Variants in ADGRL3 observed in about 807,000 individuals in gnomAD.
ADGRL3 encodes the protein adhesion G protein-coupled receptor L3.
In ADGRL3, 62 loss-of-function variants were observed where a neutral mutation model predicts 153.5. The observed-to-expected ratio is 0.40, with a 90% CI of 0.33 to 0.50. ADGRL3 has a LOEUF of 0.50. ADGRL3 is among the 20% of genes least tolerant of loss of function. The pLI, the probability that ADGRL3 is intolerant of heterozygous loss-of-function variation, is 0.47. For missense variants in ADGRL3, 1,641 were observed against 1,859.4 expected (o/e 0.88, Z 2.16); for synonymous variants, 710 against 672.5 (o/e 1.06, Z -0.86).
At position 61,480,393 on chromosome 4, in the gene ADGRL3, T is replaced by A. The variant is rs191034660; in HGVS notation, c.-173-16728T>A. On this transcript the variant is annotated intron_variant, in intron 2 of 26. Coordinates refer to ENST00000683033, the MANE Select transcript of ADGRL3 (RefSeq NM_001387552.1). ...AAATTTAAGGCTGAATAATATTTTG[T>A]TGTCTAAATATACCACATTTTCTAT... Among the ~76,000 whole-genome samples the A allele has an allele frequency of 2.3e-3, 348 of 152,336 alleles. 1 individual carries two copies. Among genetic ancestry groups the A allele is most frequent in the Non-Finnish European group, 1.4e-3 (98 of 68,036 alleles).
intron 5 of ADGRL3, among the ~76,000 whole-genome samples, chr4:61,599,682 A>G (rs1420356117): frequency 6.6e-6 from 1 of 152,092 alleles, no homozygotes; most frequent in East Asian, 1.9e-4. Flanking sequence ...GGAGGGACAG[A>G]TAGAGTAATT....
intron 4 of ADGRL3, among the ~76,000 whole-genome samples, chr4:61,540,480 C>T (rs1014210817): frequency 2.0e-5 from 3 of 151,424 alleles, no homozygotes; most frequent in Admixed American, 6.6e-5. Context: ...ACCCACAAGG[C>T]GGAGGTGCAG....
intron 25 of ADGRL3, among the ~76,000 whole-genome samples, chr4:62,063,342 G>A (rs1741201968): frequency 6.6e-6 from 1 of 151,990 alleles, no homozygotes; most frequent in Non-Finnish European, 1.5e-5. Context: ...TGTTGGAAAT[G>A]TGTGCTCTAA....
chr4:61,364,344 A>AAAT (rs1451513959), intron 1 of ADGRL3, among the ~76,000 whole-genome samples: 12 of 144,942 alleles, frequency 8.3e-5, no homozygotes, highest in African/African-American at 2.0e-4. Flanking sequence ...AAAAAAAAAA[A>AAAT]AATAATAATA....
At chr4:61,756,770 T>A (rs1352084485) in intron 8 of ADGRL3, among the ~76,000 whole-genome samples, 1 of 152,138 alleles carries the variant, frequency 6.6e-6, no homozygotes, top group African/African-American at 2.4e-5. Flanking sequence ...CATAGATAGC[T>A]CTTACTATTT....
intron 17 of ADGRL3, among the ~76,000 whole-genome samples, chr4:61,976,095 G>A (rs2099047034): frequency 6.6e-6 from 1 of 152,092 alleles, no homozygotes; most frequent in Non-Finnish European, 1.5e-5. Flanking sequence ...TTTTTTAAAT[G>A]TCAAACACAG....
At chr4:61,983,303 A>C (rs2099074864) in intron 18 of ADGRL3, 80 bp from the exon 19 acceptor site, 3 of 1,057,592 alleles carry the variant, frequency 2.8e-6, no homozygotes, top group Non-Finnish European at 4.2e-6. Context: ...GTTTTGGTAA[A>C]TATTTAATTT....
At chr4:62,027,161 T>C (rs985538728) in intron 21 of ADGRL3, among the ~76,000 whole-genome samples, 1 of 152,084 alleles carries the variant, frequency 6.6e-6, no homozygotes, top group Non-Finnish European at 1.5e-5. Context: ...TTATAAATTT[T>C]TGATGGTAAT....
At chr4:61,277,828 T>C (rs895919209) in intron 1 of ADGRL3, among the ~76,000 whole-genome samples, 4 of 152,198 alleles carry the variant, frequency 2.6e-5, no homozygotes, top group African/African-American at 4.8e-5. Context: ...TAATAAATTA[T>C]AAAAATAAAT....
At chr4:61,865,583 A>G (rs1341763258) in intron 9 of ADGRL3, among the ~76,000 whole-genome samples, 1 of 152,186 alleles carries the variant, frequency 6.6e-6, no homozygotes, top group African/African-American at 2.4e-5. Flanking sequence ...CAGTTATTGA[A>G]ATTCAGTGTA....
chr4:61,376,997 G>C (rs1191047741), intron 1 of ADGRL3, among the ~76,000 whole-genome samples: 1 of 152,098 alleles, frequency 6.6e-6, no homozygotes. Context: ...TGTTAATAAA[G>C]TCTCTTCTCT....
rs1734447425 is a variant in ADGRL3, at chr4:61,200,883, C to A, written c.-1122C>A. ...GCCGGCGAGCTAATCATCCACCCCA[C>A]GGGCTCGGGGTTCGCCGGCCCCCGG... is the stretch of plus-strand genomic sequence containing the variant. On this transcript the variant is annotated 5_prime_UTR_variant, in exon 1 of 27. Transcript: ENST00000683033. Among the ~76,000 whole-genome samples the A allele has an allele frequency of 1.3e-5, 2 of 151,882 alleles. No individual in the cohort carries two copies. Among genetic ancestry groups the A allele is most frequent in the Non-Finnish European group, 2.9e-5 (2 of 67,958 alleles).
intron 21 of ADGRL3, among the ~76,000 whole-genome samples, chr4:62,005,643 C>T (rs990779896): frequency 5.3e-5 from 8 of 152,086 alleles, no homozygotes; most frequent in Non-Finnish European, 1.2e-4. Context: ...AAGAAATGTG[C>T]AGTCAGACTA....
chr4:61,270,119 A>G (rs1360222004), intron 1 of ADGRL3, among the ~76,000 whole-genome samples: 2 of 151,734 alleles, frequency 1.3e-5, no homozygotes, highest in African/African-American at 4.8e-5. Flanking sequence ...ACTTAGAGGT[A>G]TCATAATACA....
At chr4:61,221,396 A>G (rs1462310080) in intron 1 of ADGRL3, among the ~76,000 whole-genome samples, 1 of 152,178 alleles carries the variant, frequency 6.6e-6, no homozygotes, top group African/African-American at 2.4e-5. Context: ...GGCTCGTAAT[A>G]TGATGTCAAT....
intron 4 of ADGRL3, among the ~76,000 whole-genome samples, chr4:61,543,320 T>C (rs777094176): frequency 2.0e-5 from 3 of 151,936 alleles, no homozygotes; most frequent in Non-Finnish European, 4.4e-5. Flanking sequence ...CCCTTAAAAG[T>C]GGAAGCAGGA....
intron 9 of ADGRL3, among the ~76,000 whole-genome samples, chr4:61,814,223 CTTA>C (rs1251902741): frequency 6.7e-6 from 1 of 150,156 alleles, no homozygotes; most frequent in Admixed American, 6.6e-5. Flanking sequence ...TTTCTACTAT[CTTA>C]TTTTTTTTTT....
At chr4:61,378,247 A>G (rs1368486991) in intron 1 of ADGRL3, among the ~76,000 whole-genome samples, 6 of 151,994 alleles carry the variant, frequency 3.9e-5, no homozygotes, top group African/African-American at 9.7e-5. Flanking sequence ...GCTAATTTCT[A>G]TAGTCCTGAA....
chr4:61,525,015 C>T (rs2098551463), intron 4 of ADGRL3, among the ~76,000 whole-genome samples: 1 of 151,994 alleles, frequency 6.6e-6, no homozygotes, highest in Admixed American at 6.6e-5. Flanking sequence ...CTATGGTACC[C>T]TTTATAAGGT....
Sources: gnomAD v4.1 joint callset for allele counts (sites outside exome capture counted in the v4.1 genomes callset) on GRCh38, gnomAD v4.1.1 for gene constraint, MANE v1.5 for transcripts, NCBI Gene and HGNC (gene_info 2026-07-23, HGNC 2026-07-21) for gene names.